Variants in BABAM2 observed in about 807,000 individuals in gnomAD.
The protein encoded by BABAM2 is BRISC and BRCA1 A complex member 2.
A neutral mutation model predicts 54.7 loss-of-function variants in BABAM2; 31 were observed. That is an observed-to-expected ratio of 0.57 (90% CI 0.43 to 0.77). The LOEUF is 0.77. Ranked by LOEUF, BABAM2 falls within the 30% of genes least tolerant of loss-of-function variation. BABAM2 has a pLI of 0.00. For missense variants in BABAM2, 364 were observed against 455.8 expected (o/e 0.80, Z 1.83); for synonymous variants, 167 against 162.9 (o/e 1.03, Z -0.19).
chr2:28,160,464 G>A (rs564132469), intron 7 of BABAM2, among the ~76,000 whole-genome samples: 1 of 152,312 alleles, frequency 6.6e-6, no homozygotes, highest in East Asian at 1.9e-4. Context: ...TTAGGCTACA[G>A]AGGCAGTAAT....
At chr2:28,216,813 C>G (rs1679959557) in intron 7 of BABAM2, among the ~76,000 whole-genome samples, 1 of 152,164 alleles carries the variant, frequency 6.6e-6, no homozygotes, top group Non-Finnish European at 1.5e-5. Context: ...CATAATCTGG[C>G]CTTTTCCTGG....
chr2:27,942,988 C>T (rs1669039902), intron 3 of BABAM2, among the ~76,000 whole-genome samples: 1 of 151,680 alleles, frequency 6.6e-6, no homozygotes, highest in African/African-American at 2.4e-5. Context: ...GTTTTGGTTT[C>T]ACTTCATTGC....
intron 7 of BABAM2, among the ~76,000 whole-genome samples, chr2:28,219,422 C>T (rs1417208360): frequency 6.6e-6 from 1 of 152,196 alleles, no homozygotes; most frequent in East Asian, 1.9e-4. Context: ...CTTTTAAGGA[C>T]TCGTGTGTCT....
intron 3 of BABAM2, among the ~76,000 whole-genome samples, chr2:27,987,592 A>G (rs1395566929): frequency 6.6e-6 from 1 of 152,066 alleles, no homozygotes; most frequent in Non-Finnish European, 1.5e-5. Flanking sequence ...AGGTGGGTTG[A>G]TCGCTTGAGC....
chr2:28,220,674 A>G (rs951179065), intron 7 of BABAM2, among the ~76,000 whole-genome samples: 4 of 152,194 alleles, frequency 2.6e-5, no homozygotes, highest in African/African-American at 9.7e-5. Context: ...CACACCTGTA[A>G]TCACAGTACT....
At chr2:28,143,369 G>A (rs1442227008) in intron 7 of BABAM2, among the ~76,000 whole-genome samples, 1 of 152,090 alleles carries the variant, frequency 6.6e-6, no homozygotes, top group Non-Finnish European at 1.5e-5. Context: ...ATAGGGAGAA[G>A]TAGGTCAAAG....
intron 3 of BABAM2, among the ~76,000 whole-genome samples, chr2:27,941,654 T>C (rs1668899355): frequency 6.6e-6 from 1 of 151,980 alleles, no homozygotes; most frequent in Admixed American, 6.6e-5. Context: ...TGTCAAGAAA[T>C]ACCCAAAGGT....
chr2:27,962,100 A>C (rs1670515570), intron 3 of BABAM2, among the ~76,000 whole-genome samples: 1 of 151,298 alleles, frequency 6.6e-6, no homozygotes, highest in African/African-American at 2.4e-5. Flanking sequence ...ATCATTTGGA[A>C]ATTTTTGTTT....
At chr2:27,911,792 C>A (rs1385354131) in intron 2 of BABAM2, among the ~76,000 whole-genome samples, 1 of 152,126 alleles carries the variant, frequency 6.6e-6, no homozygotes, top group Non-Finnish European at 1.5e-5. Context: ...TAGATCTGAT[C>A]TGTTTTCCAC....
chr2:28,085,319 T>C (rs1665541620), intron 6 of BABAM2, among the ~76,000 whole-genome samples: 1 of 152,236 alleles, frequency 6.6e-6, no homozygotes. Flanking sequence ...GTAAATCTTT[T>C]AAGTCCACCA....
At chr2:28,059,378 A>T (rs984630158) in intron 6 of BABAM2, among the ~76,000 whole-genome samples, 11 of 152,046 alleles carry the variant, frequency 7.2e-5, no homozygotes, top group Admixed American at 6.6e-5. Flanking sequence ...TATAGTTGGG[A>T]TGTGTGAATC....
At position 27,990,183 on chromosome 2, in the gene BABAM2, G is replaced by A. The variant is rs1454221540; in HGVS notation, c.300+2096G>A. On this transcript the variant is annotated intron_variant, in intron 4 of 11. Transcript: ENST00000379624. ...GCTTCTTCATGGATCAGCGGGCTGAGCAAGCCCAGATAAGCAACCAGAGCA... is the reference window on the plus strand; with the variant it reads ...GCTTCTTCATGGATCAGCGGGCTGAACAAGCCCAGATAAGCAACCAGAGCA... Among the ~76,000 whole-genome samples, 4 of 152,154 alleles carry A rather than the reference G, an allele frequency of 2.6e-5. No homozygotes were observed. In the East Asian group the frequency reaches 7.7e-4, roughly 29 times the overall value.
chr2:27,935,728 C>A (rs1668437581), intron 3 of BABAM2, among the ~76,000 whole-genome samples: 1 of 152,150 alleles, frequency 6.6e-6, no homozygotes, highest in African/African-American at 2.4e-5. Flanking sequence ...TGGCAGACTT[C>A]ATTGTTGTCT....
intron 11 of BABAM2, among the ~76,000 whole-genome samples, chr2:28,302,436 ATC>A (rs1688185016): frequency 6.6e-6 from 1 of 150,922 alleles, no homozygotes; most frequent in African/African-American, 2.4e-5. Context: ...AAAAAAATGT[ATC>A]TGTTATGGCA....
chr2:27,984,107 C>T (rs1015768210), intron 3 of BABAM2, among the ~76,000 whole-genome samples: 1 of 151,472 alleles, frequency 6.6e-6, no homozygotes, highest in African/African-American at 2.4e-5. Context: ...GAAAATGCAG[C>T]CATTCTTCTA....
intron 6 of BABAM2, among the ~76,000 whole-genome samples, chr2:28,085,562 G>A (rs919618381): frequency 1.3e-5 from 2 of 152,134 alleles, no homozygotes; most frequent in African/African-American, 4.8e-5. Flanking sequence ...TATTTTAGAT[G>A]ATAAATGCTT....
At chr2:27,931,233 A>AT (rs1668071150) in intron 3 of BABAM2, among the ~76,000 whole-genome samples, 1 of 152,166 alleles carries the variant, frequency 6.6e-6, no homozygotes, top group African/African-American at 2.4e-5. Context: ...TGAAAAAATT[A>AT]TTAACTAAAT....
intron 5 of BABAM2, among the ~76,000 whole-genome samples, chr2:28,026,931 T>A (rs1675854698): frequency 8.9e-5 from 1 of 11,174 alleles, no homozygotes; most frequent in Non-Finnish European, 5.4e-4. Flanking sequence ...TATATAAATA[T>A]ATATATAAAT....
At chr2:28,026,814 A>T (rs1573421182) in intron 5 of BABAM2, among the ~76,000 whole-genome samples, 1 of 88,546 alleles carries the variant, frequency 1.1e-5, no homozygotes, top group African/African-American at 5.2e-5. Context: ...AAATATATAA[A>T]TATATATTTA....
Sources: gnomAD v4.1 joint callset for allele counts (sites outside exome capture counted in the v4.1 genomes callset) on GRCh38, gnomAD v4.1.1 for gene constraint, MANE v1.5 for transcripts, NCBI Gene and HGNC (gene_info 2026-07-23, HGNC 2026-07-21) for gene names.